The following YME1L1 variants were observed in gnomAD, a reference collection of about 807,000 sequenced individuals.
YME1L1 encodes the protein ATP-dependent zinc metalloprotease YME1L1.
A neutral mutation model predicts 90.4 loss-of-function variants in YME1L1; 39 were observed. That is an observed-to-expected ratio of 0.43 (90% CI 0.33 to 0.56). YME1L1 has a LOEUF of 0.56. YME1L1 is among the 20% of genes least tolerant of loss of function. The pLI is 0.03. For missense variants in YME1L1, 617 were observed against 868.4 expected (o/e 0.71, Z 3.64); for synonymous variants, 284 against 287.3 (o/e 0.99, Z 0.12).
intron 15 of YME1L1, 60 bp downstream of exon 15, chr10:27,117,516 T>G: frequency 6.4e-7 from 1 of 1,552,924 alleles, no homozygotes. Flanking sequence ...TGCAGTGAGC[T>G]GAGATCGCGC....
chr10:27,153,286 C>T, intron 1 of YME1L1: 1 of 469,398 alleles, frequency 2.1e-6, no homozygotes, highest in South Asian at 1.6e-5. Flanking sequence ...CCAGTACTAG[C>T]ACAAAAAATT....
intron 13 of YME1L1, 80 bp from the exon 14 acceptor site, chr10:27,119,529 C>A: frequency 6.8e-7 from 1 of 1,473,130 alleles, no homozygotes; most frequent in Non-Finnish European, 9.1e-7. Context: ...CACATTCCAA[C>A]TGGGTGCGTT....
chr10:27,145,660 A>C, intron 2 of YME1L1, 70 bp from the exon 3 acceptor site: 1 of 1,262,160 alleles, frequency 7.9e-7, no homozygotes, highest in Non-Finnish European at 1.1e-6. Context: ...AGTACATATT[A>C]TCAGTTAAAA....
At chr10:27,135,133 A>G in intron 5 of YME1L1, 152 bp from the exon 6 acceptor site, 2 of 650,934 alleles carry the variant, frequency 3.1e-6, no homozygotes, top group Non-Finnish European at 5.0e-6. Context: ...GAATTAATCA[A>G]TAACTAGGAA....
intron 2 of YME1L1, chr10:27,147,486 C>T (rs1483801608): frequency 1.2e-6 from 2 of 1,614,040 alleles, no homozygotes; most frequent in South Asian, 2.2e-5. Context: ...TTTGGAGAAA[C>T]CCGCAGTGTA....
At chr10:27,124,730 G>A (rs1588591112) in intron 9 of YME1L1, among the ~76,000 whole-genome samples, 1 of 152,146 alleles carries the variant, frequency 6.6e-6, no homozygotes, top group South Asian at 2.1e-4. Flanking sequence ...GAGGAAGAGT[G>A]TAACTATTAA....
intron 5 of YME1L1, among the ~76,000 whole-genome samples, chr10:27,135,318 A>G (rs528542451): frequency 6.6e-6 from 1 of 152,336 alleles, no homozygotes; most frequent in South Asian, 2.1e-4. Context: ...AATTTACTAA[A>G]TGTCTACTAA....
chr10:27,114,676 T>C, intron 17 of YME1L1, 69 bp from the exon 18 acceptor site: 1 of 1,157,738 alleles, frequency 8.6e-7, no homozygotes, highest in Non-Finnish European at 1.3e-6. Flanking sequence ...AAAGAGAAAG[T>C]ACTATCCTAT....
chr10:27,152,764 A>G (rs2057236218), intron 1 of YME1L1, among the ~76,000 whole-genome samples: 1 of 151,776 alleles, frequency 6.6e-6, no homozygotes, highest in South Asian at 2.1e-4. Context: ...CTTTCTTCAA[A>G]ATATATCTCA....
At chr10:27,131,507 A>C (rs1401755951) in intron 8 of YME1L1, among the ~76,000 whole-genome samples, 1 of 152,194 alleles carries the variant, frequency 6.6e-6, no homozygotes, top group Non-Finnish European at 1.5e-5. Flanking sequence ...CCATTTATTA[A>C]ATATCTACTA....
chr10:27,139,152 C>T (rs1263672424), intron 4 of YME1L1, among the ~76,000 whole-genome samples: 1 of 151,946 alleles, frequency 6.6e-6, no homozygotes, highest in African/African-American at 2.4e-5. Flanking sequence ...GTTCCTCTGT[C>T]GTGCTTGCGT....
chr10:27,117,849 G>A, intron 14 of YME1L1, 122 bp from the exon 15 acceptor site: 6 of 952,816 alleles, frequency 6.3e-6, no homozygotes, highest in Non-Finnish European at 9.3e-6. Context: ...TGCATCCATA[G>A]ATTCAACCAA....
intron 5 of YME1L1, among the ~76,000 whole-genome samples, chr10:27,136,054 C>G (rs1033867809): frequency 6.6e-6 from 1 of 151,976 alleles, no homozygotes; most frequent in Non-Finnish European, 1.5e-5. Flanking sequence ...GAGAACACCT[C>G]GACAGGTGTA....
chr10:27,130,624 C>T (rs1469404201), intron 8 of YME1L1, among the ~76,000 whole-genome samples: 1 of 152,160 alleles, frequency 6.6e-6, no homozygotes, highest in Admixed American at 6.5e-5. Flanking sequence ...CTTTGATCTG[C>T]GTGGATCACC....
In YME1L1 at chr10:27,131,922, T is replaced by C; in HGVS notation, c.795A>G (p.Thr265=). ...PFLSVRFRTT[T]GLDSAVDPVQ... is the part of the protein sequence containing the mutation. ...CAGGATCTACTGCAGAATCAAGCCCTGTTGTTGTCCGGAAGCGGACTAAAG... is the reference window on the plus strand; with the variant it reads ...CAGGATCTACTGCAGAATCAAGCCCCGTTGTTGTCCGGAAGCGGACTAAAG... The change falls in exon 8 of 19, where the codon ACA becomes ACG. Residue 265 remains threonine, a synonymous_variant. Transcript: ENST00000376016. The C allele has an allele frequency of 6.2e-7, 1 of 1,613,200 alleles. No homozygotes were observed. The highest frequency in any genetic ancestry group is 8.5e-7 in the Non-Finnish European group (1 of 1,179,734).
intron 5 of YME1L1, among the ~76,000 whole-genome samples, 196 bp downstream of exon 5, chr10:27,136,080 A>T (rs1189254509): frequency 6.6e-6 from 1 of 152,182 alleles, no homozygotes; most frequent in East Asian, 1.9e-4. Flanking sequence ...GTGGGAAAAA[A>T]ATCTAGTAAG....
At position 27,111,954 on chromosome 10, in the gene YME1L1, A is replaced by C; in HGVS notation, c.*23T>G. On this transcript the variant is annotated 3_prime_UTR_variant, in exon 19 of 19. Transcript: ENST00000376016. ...CTTGTATTCTTGCAATAAAACCAGC[A>C]AGCATCCATATCAAGAGAGTTATCA... 2 of 1,613,770 alleles carry C rather than the reference A, an allele frequency of 1.2e-6. No homozygotes were observed. Among genetic ancestry groups the C allele is most frequent in the Non-Finnish European group, 1.7e-6 (2 of 1,179,904 alleles).
chr10:27,154,202 G>C lies in YME1L1; in HGVS notation c.9C>G (p.Ser3=). The C allele has an allele frequency of 6.3e-7, 1 of 1,592,304 alleles. No individual in the cohort carries two copies. The highest frequency in any genetic ancestry group is 2.3e-5 in the East Asian group (1 of 43,978). Residue 3 remains serine, a synonymous_variant, in exon 1 of 19, where the codon TCC becomes TCG. Coordinates refer to ENST00000376016, the MANE Select transcript of YME1L1 (RefSeq NM_014263.4). Reference sequence around the variant, plus strand: ...CCTGGGGTTGCACCGTGCTCGACAAGGAAAACATCTCCGGCGGGCCCTCAG... The same window carrying C: ...CCTGGGGTTGCACCGTGCTCGACAACGAAAACATCTCCGGCGGGCCCTCAG... MF[S]LSSTVQPQVT...
At chr10:27,135,052 T>C in intron 5 of YME1L1, 71 bp from the exon 6 acceptor site, 4 of 1,416,704 alleles carry the variant, frequency 2.8e-6, no homozygotes, top group Non-Finnish European at 3.8e-6. Flanking sequence ...TTGTGACCAC[T>C]CAAAAAAATT....
Sources: allele counts gnomAD v4.1 joint callset (sites outside exome capture counted in the v4.1 genomes callset), GRCh38; gene constraint gnomAD v4.1.1; transcripts MANE v1.5; gene names NCBI Gene and HGNC (gene_info 2026-07-23, HGNC 2026-07-21).